POLK: variants seen among roughly 807,000 people sequenced by gnomAD.
POLK encodes polymerase (DNA directed) kappa.
POLK carries 76 observed loss-of-function variants against 94.0 expected under a neutral mutation model. The observed-to-expected ratio is 0.81, with a 90% CI of 0.67 to 0.98. The LOEUF (loss-of-function observed/expected upper bound fraction) is 0.98. Among genes scored for constraint, POLK ranks in the 50% least tolerant of loss-of-function variants. The pLI is 0.00. For synonymous variants in POLK, 349 were observed against 325.4 expected, an observed-to-expected ratio of 1.07 and a Z score of -0.78; for missense variants, 954 against 1,010.1, an observed-to-expected ratio of 0.94 and a Z score of 0.75.
chr5:75,598,064 TA>T (rs779514447), exon 15 of POLK: 1 of 753,518 alleles, frequency 1.3e-6, no homozygotes, highest in Non-Finnish European at 2.1e-6. Context: ...CTAGTTATTT[TA>T]TAATCAATGA....
chr5:75,532,446 G>A (rs1769227454), intron 1 of POLK, among the ~76,000 whole-genome samples: 1 of 151,708 alleles, frequency 6.6e-6, no homozygotes, highest in Non-Finnish European at 1.5e-5. Context: ...ATTCCTTTGT[G>A]TATATGTACC....
intron 3 of POLK, among the ~76,000 whole-genome samples, chr5:75,566,356 C>T (rs1771268716): frequency 6.6e-6 from 1 of 152,150 alleles, no homozygotes; most frequent in South Asian, 2.1e-4. Context: ...GCTTCAGCCC[C>T]GTTTCCCAGG....
chr5:75,554,947 A>C (rs1731204261), intron 3 of POLK, among the ~76,000 whole-genome samples: 1 of 152,142 alleles, frequency 6.6e-6, no homozygotes, highest in South Asian at 2.1e-4. Context: ...GCTGTTGTGA[A>C]TAGTGCTGCA....
rs201528853 is a variant in POLK at position 75,546,992 on chromosome 5, A to G, written c.-13-18A>G. On this transcript the variant is annotated intron_variant, in intron 1 of 14. Transcript: ENST00000241436. Reference sequence around the variant, plus strand: ...ACAGATGGTTTTAAAAGCAGTGTTTATCTTTATGCTTTTTCAGATAAGTTT... The same window carrying G: ...ACAGATGGTTTTAAAAGCAGTGTTTGTCTTTATGCTTTTTCAGATAAGTTT... 2.3e-4 allele frequency: 324 copies of G among 1,384,344 alleles called. 1 individual carries two copies. Among genetic ancestry groups the G allele is most frequent in the South Asian group, 1.6e-4 (10 of 64,308 alleles). The allele number at this position is 1,384,344 out of a possible 1,614,324, so 85.8% of individuals were successfully genotyped here. A position where few individuals can be genotyped will look rare whatever the true frequency, so the allele number is the denominator to read the frequency against.
At chr5:75,596,637 T>C in exon 13 of POLK, 2 of 1,614,066 alleles carry the variant, frequency 1.2e-6, no homozygotes, top group Non-Finnish European at 8.5e-7. Context: ...AATGTCTTGA[T>C]GGACCTTCAA....
chr5:75,585,284 G>A (rs959739465), intron 9 of POLK, among the ~76,000 whole-genome samples: 2 of 152,226 alleles, frequency 1.3e-5, no homozygotes, highest in Non-Finnish European at 2.9e-5. Context: ...GGAAGGAGAT[G>A]TAATGATTCT....
chr5:75,543,173 G>A (rs1201475179), intron 1 of POLK, among the ~76,000 whole-genome samples: 1 of 151,800 alleles, frequency 6.6e-6, no homozygotes, highest in Non-Finnish European at 1.5e-5. Context: ...CTCCTGAGTA[G>A]CTGGGACTAT....
At chr5:75,557,019 C>A (rs1263021860) in intron 3 of POLK, among the ~76,000 whole-genome samples, 1 of 152,118 alleles carries the variant, frequency 6.6e-6, no homozygotes, top group Non-Finnish European at 1.5e-5. Flanking sequence ...GCTGTGATTG[C>A]ACCACTGCAC....
At chr5:75,519,403 T>G (rs911095863) in intron 1 of POLK, among the ~76,000 whole-genome samples, 1 of 152,174 alleles carries the variant, frequency 6.6e-6, no homozygotes, top group African/African-American at 2.4e-5. Flanking sequence ...TTAGGCCTAT[T>G]TGGTCTAGTT....
intron 3 of POLK, among the ~76,000 whole-genome samples, chr5:75,567,201 CTATT>C (rs1771322742): frequency 6.6e-6 from 1 of 152,060 alleles, no homozygotes; most frequent in Admixed American, 6.6e-5. Context: ...GACTTGCTTT[CTATT>C]TATTATCTTT....
At position 75,527,510 on chromosome 5, in the gene POLK, C is replaced by T. The variant is rs866176529; in HGVS notation, c.-14+15596C>T. On this transcript the variant is annotated intron_variant, in intron 1 of 14. Coordinates refer to ENST00000241436, the Ensembl canonical transcript of POLK. ...AAAAAAAAATTTATATATACACACA[C>T]ACACACACACACACACACACACACA... Among the ~76,000 whole-genome samples, 417 of 139,714 alleles carry T rather than the reference C, an allele frequency of 3.0e-3. 1 individual carries two copies. Among genetic ancestry groups the T allele is most frequent in the African/African-American group, 0.011 (370 of 33,734 alleles). The allele number at this position is 139,714 out of a possible 152,430, so 91.7% of individuals were successfully genotyped here. A position where few individuals can be genotyped will look rare whatever the true frequency, so the allele number is the denominator to read the frequency against.
intron 12 of POLK, among the ~76,000 whole-genome samples, chr5:75,595,801 G>C (rs537945321): frequency 6.6e-6 from 1 of 152,256 alleles, no homozygotes; most frequent in South Asian, 2.1e-4. Flanking sequence ...TGATAGTTGG[G>C]GTGGTGGAGG....
intron 6 of POLK, 132 bp downstream of exon 6, chr5:75,577,065 A>G (rs1771922351): frequency 1.9e-5 from 9 of 465,072 alleles, no homozygotes; most frequent in Non-Finnish European, 3.2e-5. Context: ...ATAAAAATGT[A>G]AAATCAGAAA....
intron 10 of POLK, 26 bp from the exon 11 acceptor site, chr5:75,590,318 C>T (rs779780067): frequency 1.4e-5 from 19 of 1,325,662 alleles, no homozygotes; most frequent in Middle Eastern, 3.7e-4. Context: ...TTACTTTGTG[C>T]GCCAAAATTA....
intron 6 of POLK, among the ~76,000 whole-genome samples, chr5:75,580,790 T>C (rs1198542470): frequency 6.6e-6 from 1 of 151,074 alleles, no homozygotes; most frequent in East Asian, 1.9e-4. Context: ...ATAATTATTA[T>C]ATATTGTTTA....
intron 1 of POLK, among the ~76,000 whole-genome samples, chr5:75,519,011 A>C (rs900869691): frequency 1.3e-5 from 2 of 152,150 alleles, no homozygotes; most frequent in African/African-American, 4.8e-5. Context: ...AAGCCCAGCC[A>C]GCCCAGGTAT....
At chr5:75,517,724 G>T (rs1768386347) in intron 1 of POLK, among the ~76,000 whole-genome samples, 1 of 152,174 alleles carries the variant, frequency 6.6e-6, no homozygotes. Flanking sequence ...CCAGATCTTA[G>T]AGGAAAGGCT....
At chr5:75,582,932 G>C (rs1772274605) in intron 7 of POLK, 1 of 161,232 alleles carries the variant, frequency 6.2e-6, no homozygotes, top group Non-Finnish European at 1.3e-5. Flanking sequence ...CTGGGCGACA[G>C]AGCAAGACTC....
At chr5:75,532,734 A>G (rs1031774527) in intron 1 of POLK, among the ~76,000 whole-genome samples, 1 of 152,216 alleles carries the variant, frequency 6.6e-6, no homozygotes, top group African/African-American at 2.4e-5. Flanking sequence ...TTTCACTACA[A>G]CTTTGCCAGC....
Sources: allele counts gnomAD v4.1 joint callset (sites outside exome capture counted in the v4.1 genomes callset), GRCh38; gene constraint gnomAD v4.1.1; transcripts MANE v1.5; gene names NCBI Gene and HGNC (gene_info 2026-07-23, HGNC 2026-07-21).